MBD5: variants seen among roughly 807,000 people sequenced by gnomAD.
MBD5 encodes the protein methyl-CpG-binding domain protein 5.
A neutral mutation model predicts 117.3 loss-of-function variants in MBD5; 13 were observed. That is an observed-to-expected ratio of 0.11 (90% CI 0.07 to 0.18). MBD5 has a LOEUF of 0.18. MBD5 is among the 10% of genes least tolerant of loss of function. MBD5 has a pLI of 1.00. For synonymous variants in MBD5, 727 were observed against 766.4 expected (o/e 0.95, Z 0.85); for missense variants, 1,879 against 2,093.8 (o/e 0.90, Z 2.00).
At chr2:148,385,533 A>G (rs1258136655) in intron 4 of MBD5, among the ~76,000 whole-genome samples, 2 of 152,194 alleles carry the variant, frequency 1.3e-5, no homozygotes, top group African/African-American at 2.4e-5. Context: ...TGGTTCAACC[A>G]TTGTGGAAGT....
chr2:148,332,622 C>T (rs1702688451), intron 3 of MBD5, among the ~76,000 whole-genome samples: 1 of 152,122 alleles, frequency 6.6e-6, no homozygotes, highest in Non-Finnish European at 1.5e-5. Context: ...TGTCTTCCCT[C>T]CATTGTCTTT....
intron 9 of MBD5, among the ~76,000 whole-genome samples, chr2:148,484,921 TTA>T (rs1330105898): frequency 6.6e-6 from 1 of 152,162 alleles, no homozygotes; most frequent in Non-Finnish European, 1.5e-5. Flanking sequence ...TGTTTATTAT[TTA>T]TGTGTTTTTG....
intron 4 of MBD5, among the ~76,000 whole-genome samples, chr2:148,447,071 AAAAGAAAGAAAC>A (rs1328181629): frequency 2.0e-5 from 3 of 150,138 alleles, no homozygotes; most frequent in Non-Finnish European, 3.0e-5. Context: ...GAAAGAAAGA[AAAAGAAAGAAAC>A]AAAGAAAGAA....
intron 3 of MBD5, among the ~76,000 whole-genome samples, chr2:148,329,407 G>A (rs1193721660): frequency 1.3e-5 from 2 of 152,080 alleles, no homozygotes; most frequent in Admixed American, 6.5e-5. Context: ...TGACTTCAAA[G>A]TATTTTATAA....
At chr2:148,440,141 A>G (rs947760670) in intron 4 of MBD5, among the ~76,000 whole-genome samples, 8 of 152,224 alleles carry the variant, frequency 5.3e-5, no homozygotes, top group Admixed American at 4.6e-4. Flanking sequence ...TTCCATTTAC[A>G]TTTCATTCAA....
At chr2:148,301,353 T>C (rs563256118) in intron 3 of MBD5, among the ~76,000 whole-genome samples, 1 of 152,298 alleles carries the variant, frequency 6.6e-6, no homozygotes, top group African/African-American at 2.4e-5. Flanking sequence ...AGGAATTAAG[T>C]AACTGAATCA....
intron 4 of MBD5, among the ~76,000 whole-genome samples, chr2:148,406,456 CA>C (rs1705079994): frequency 6.6e-6 from 1 of 152,132 alleles, no homozygotes; most frequent in Non-Finnish European, 1.5e-5. Flanking sequence ...GCTTTTATCA[CA>C]AAGACTTCCA....
intron 1 of MBD5, among the ~76,000 whole-genome samples, chr2:148,151,175 CT>C (rs1697651117): frequency 1.3e-5 from 2 of 151,518 alleles, no homozygotes; most frequent in South Asian, 4.2e-4. Context: ...TTGTCAAAGG[CT>C]TTTTCTGCAT....
chr2:148,437,130 G>A (rs1364066806), intron 4 of MBD5, among the ~76,000 whole-genome samples: 1 of 130 alleles, frequency 7.7e-3, no homozygotes, highest in East Asian at 0.12. Flanking sequence ...CTACAGGCAC[G>A]TGCACCGCGC....
At chr2:148,364,488 A>C (rs1418693252) in intron 4 of MBD5, among the ~76,000 whole-genome samples, 3 of 152,218 alleles carry the variant, frequency 2.0e-5, no homozygotes, top group African/African-American at 4.8e-5. Context: ...AAATTCACAC[A>C]TAACAGTATT....
chr2:148,059,762 C>T (rs1028329901), intron 1 of MBD5, among the ~76,000 whole-genome samples: 8 of 151,468 alleles, frequency 5.3e-5, no homozygotes, highest in Admixed American at 3.3e-4. Context: ...AGGAGAATGG[C>T]GTGAACCCGG....
chr2:148,395,093 T>C (rs910329426), intron 4 of MBD5, among the ~76,000 whole-genome samples: 2 of 152,186 alleles, frequency 1.3e-5, no homozygotes, highest in Non-Finnish European at 2.9e-5. Flanking sequence ...CAGTGGACCA[T>C]ACCTGGAAAG....
At chr2:148,163,335 C>T (rs1337277930) in intron 1 of MBD5, among the ~76,000 whole-genome samples, 1 of 152,216 alleles carries the variant, frequency 6.6e-6, no homozygotes, top group Non-Finnish European at 1.5e-5. Context: ...ACCCAAAGCA[C>T]TTTACTTCTT....
Position 148,513,934 on chromosome 2 carries a change from C to T in MBD5, c.*993C>T, listed in dbSNP as rs1326220102. ...CTATTTCCGTACATGGAGGCAAAAA[C>T]CCCACTTTGCAACCATTATCAGAGG... is the stretch of plus-strand genomic sequence containing the variant. On this transcript the variant is annotated 3_prime_UTR_variant, in exon 14 of 14. Transcript: ENST00000642680. The T allele has an allele frequency of 6.6e-6, 1 of 152,114 alleles. No homozygotes were observed. The highest frequency in any genetic ancestry group is 1.5e-5 in the Non-Finnish European group (1 of 68,032). The allele number at this position is 152,114 out of a possible 1,614,324, so 9.4% of individuals were successfully genotyped here.
At chr2:148,486,959 T>A (rs1017392069) in intron 10 of MBD5, among the ~76,000 whole-genome samples, 1 of 152,202 alleles carries the variant, frequency 6.6e-6, no homozygotes, top group Non-Finnish European at 1.5e-5. Context: ...TTTAGAGAAA[T>A]CTTCAAATGT....
At chr2:148,438,309 C>T (rs1013089469) in intron 4 of MBD5, among the ~76,000 whole-genome samples, 2 of 152,166 alleles carry the variant, frequency 1.3e-5, no homozygotes, top group African/African-American at 2.4e-5. Flanking sequence ...TTTGGAGAGT[C>T]GTAGTGGTCT....
chr2:148,218,046 G>A (rs1699599889), intron 2 of MBD5, among the ~76,000 whole-genome samples: 2 of 152,272 alleles, frequency 1.3e-5, no homozygotes. Flanking sequence ...TTTAATATGT[G>A]CCAGATCACT....
In MBD5 at chr2:148,354,348, G is replaced by A. The variant is rs188074001; in HGVS notation, c.-557+12012G>A. 2.0e-3 allele frequency among the ~76,000 whole-genome samples: 303 copies of A among 151,550 alleles called. 2 individuals carry two copies. Among genetic ancestry groups the A allele is most frequent in the Non-Finnish European group, 9.6e-4 (65 of 67,950 alleles). Reference sequence around the variant, plus strand: ...TTCTCATTGTTCAACTCACACTTATGAGTGAGAACATGTGGTGTTTGGTCT... The same window carrying A: ...TTCTCATTGTTCAACTCACACTTATAAGTGAGAACATGTGGTGTTTGGTCT... On this transcript the variant is annotated intron_variant, in intron 4 of 13. Transcript: ENST00000642680.
intron 3 of MBD5, among the ~76,000 whole-genome samples, chr2:148,320,200 G>A (rs1702251252): frequency 6.6e-6 from 1 of 152,120 alleles, no homozygotes; most frequent in Non-Finnish European, 1.5e-5. Flanking sequence ...TTGGTCTGTA[G>A]TTTTGTTGTT....
Sources: allele counts gnomAD v4.1 joint callset (sites outside exome capture counted in the v4.1 genomes callset), GRCh38; gene constraint gnomAD v4.1.1; transcripts MANE v1.5; gene names NCBI Gene and HGNC (gene_info 2026-07-23, HGNC 2026-07-21).